TLL2: variants seen among roughly 807,000 people sequenced by gnomAD.
The protein encoded by TLL2 is tolloid like 2.
Under a neutral mutation model 123.0 loss-of-function variants are expected in TLL2, and 106 were observed. The observed-to-expected ratio is 0.86, with a 90% CI of 0.74 to 1.01. The LOEUF is 1.01. Among genes scored for constraint, TLL2 ranks in the 50% least tolerant of loss-of-function variants. The pLI, the probability that TLL2 is intolerant of heterozygous loss-of-function variation, is 0.00. For missense variants in TLL2, 1,332 were observed against 1,336.7 expected, an observed-to-expected ratio of 1.00 and a Z score of 0.06; for synonymous variants, 494 against 516.8, an observed-to-expected ratio of 0.96 and a Z score of 0.60.
chr10:96,458,339 C>A (rs1311753763), intron 2 of TLL2, among the ~76,000 whole-genome samples: 1 of 152,066 alleles, frequency 6.6e-6, no homozygotes, highest in Non-Finnish European at 1.5e-5. Flanking sequence ...ATAATCCCAG[C>A]ACTTTGGGAA....
At chr10:96,388,824 C>A (rs1564896475) in intron 13 of TLL2, among the ~76,000 whole-genome samples, 1 of 152,174 alleles carries the variant, frequency 6.6e-6, no homozygotes, top group East Asian at 1.9e-4. Flanking sequence ...TTGTAAATAT[C>A]CCATCATTTC....
intron 7 of TLL2, among the ~76,000 whole-genome samples, chr10:96,417,507 G>C (rs1279338963): frequency 6.6e-6 from 1 of 152,222 alleles, no homozygotes; most frequent in Non-Finnish European, 1.5e-5. Flanking sequence ...CCCAGTAAGA[G>C]GTGGAGTCTA....
chr10:96,489,674 T>G (rs2134108630), intron 1 of TLL2, among the ~76,000 whole-genome samples: 1 of 152,344 alleles, frequency 6.6e-6, no homozygotes, highest in South Asian at 2.1e-4. Context: ...TTTAATTAAT[T>G]TAAGTTTAAA....
At chr10:96,451,822 G>A (rs1033096677) in intron 2 of TLL2, among the ~76,000 whole-genome samples, 4 of 152,060 alleles carry the variant, frequency 2.6e-5, no homozygotes, top group Non-Finnish European at 4.4e-5. Flanking sequence ...TCTCCATATC[G>A]GTCTGATATC....
At chr10:96,447,156 A>G (rs1256637193) in intron 2 of TLL2, among the ~76,000 whole-genome samples, 1 of 151,946 alleles carries the variant, frequency 6.6e-6, no homozygotes, top group Admixed American at 6.6e-5. Context: ...GATCCTCCGC[A>G]GGGGAAGGAT....
intron 1 of TLL2, among the ~76,000 whole-genome samples, chr10:96,503,120 A>G (rs1198054220): frequency 6.6e-6 from 1 of 152,138 alleles, no homozygotes; most frequent in Non-Finnish European, 1.5e-5. Context: ...TCCCTGCTTC[A>G]TGGGTGAGAG....
intron 13 of TLL2, among the ~76,000 whole-genome samples, chr10:96,389,407 A>G (rs1846264277): frequency 6.6e-6 from 1 of 152,168 alleles, no homozygotes; most frequent in South Asian, 2.1e-4. Flanking sequence ...TGAAAAGATA[A>G]GGTTCCCTGG....
chr10:96,487,527 C>T (rs767276649), intron 1 of TLL2, among the ~76,000 whole-genome samples: 8 of 152,192 alleles, frequency 5.3e-5, no homozygotes, highest in South Asian at 2.1e-4. Flanking sequence ...AGGCAGCACA[C>T]GCCAGGCATT....
intron 2 of TLL2, among the ~76,000 whole-genome samples, chr10:96,470,816 G>C (rs974382045): frequency 2.0e-5 from 3 of 152,170 alleles, no homozygotes; most frequent in Non-Finnish European, 4.4e-5. Context: ...TAGAACTGTT[G>C]TGTGAAGATT....
chr10:96,368,879 C>T (rs1846052590), intron 20 of TLL2, among the ~76,000 whole-genome samples: 1 of 152,172 alleles, frequency 6.6e-6, no homozygotes, highest in South Asian at 2.1e-4. Context: ...GCTCAGTTAA[C>T]CCCTCCAAGG....
At position 96,368,079 on chromosome 10, in the gene TLL2, A is replaced by C; in HGVS notation, c.*9T>G. 3 of 1,611,596 alleles carry C rather than the reference A, an allele frequency of 1.9e-6. No homozygotes were observed. The highest frequency in any genetic ancestry group is 1.1e-5 in the South Asian group (1 of 90,612). ...AATTCTCAGTTTCTGTCTTTCAAGA[A>C]CATCAGCACTATTTCTTCATGTGCA... On this transcript the variant is annotated 3_prime_UTR_variant, in exon 21 of 21. Transcript: ENST00000357947.
intron 8 of TLL2, 187 bp from the exon 9 acceptor site, chr10:96,410,661 CA>C: frequency 1.5e-6 from 1 of 672,376 alleles, no homozygotes; most frequent in Non-Finnish European, 2.7e-6. Context: ...ACCTAGGAGT[CA>C]AAAAGGAACG....
chr10:96,394,592 C>T (rs1846319768), intron 13 of TLL2, among the ~76,000 whole-genome samples: 1 of 152,188 alleles, frequency 6.6e-6, no homozygotes, highest in Non-Finnish European at 1.5e-5. Flanking sequence ...TGGGGGTAAG[C>T]ATGTAGTCTA....
Position 96,373,736 on chromosome 10 carries a change from T to A in TLL2, c.2522A>T (p.Asp841Val). 6.2e-7 allele frequency: 1 copy of A among 1,614,262 alleles called. No individual in the cohort carries two copies. ...YDHLEMYDGP[D>V]SLAPILGRFC... is the part of the protein sequence containing the mutation. ...ACGGCCCAGAATGGGGGCCAGGCTGTCCGGCCCGTCATACATTTCCAGGTG... is the reference window on the plus strand; with the variant it reads ...ACGGCCCAGAATGGGGGCCAGGCTGACCGGCCCGTCATACATTTCCAGGTG... Residue 841 changes from aspartate to valine, a missense_variant, in exon 19 of 21, where the codon GAC (aspartate) becomes GTC (valine). By Grantham distance (152) the Asp-to-Val change is radical (BLOSUM62 -3). Coordinates refer to ENST00000357947, the MANE Select transcript of TLL2 (RefSeq NM_012465.4).
At chr10:96,376,614 G>C (rs964864297) in intron 18 of TLL2, 78 bp downstream of exon 18, 8 of 1,499,898 alleles carry the variant, frequency 5.3e-6, no homozygotes, top group Non-Finnish European at 7.3e-6. Flanking sequence ...GAGCTGGGAA[G>C]TGGCAGAGCA....
Position 96,404,127 on chromosome 10 carries a change from G to A in TLL2, c.1267+1105C>T, listed in dbSNP as rs1422394508. 4.6e-5 allele frequency among the ~76,000 whole-genome samples: 7 copies of A among 152,146 alleles called. No homozygotes were observed. In the East Asian group the frequency reaches 5.8e-4, roughly 13 times the overall value. ...AACTCAGAGACCGGTGCCGATGCAG[G>A]TCCTTGGTGTGCTGAGTGCCGGTCC... On this transcript the variant is annotated intron_variant, in intron 10 of 20. Transcript: ENST00000357947.
chr10:96,405,184 G>C, intron 10 of TLL2, 48 bp downstream of exon 10: 1 of 1,556,230 alleles, frequency 6.4e-7, no homozygotes, highest in Non-Finnish European at 8.9e-7. Context: ...CAGCATCCCG[G>C]GGAACATCCC....
intron 20 of TLL2, among the ~76,000 whole-genome samples, chr10:96,368,945 G>C (rs984585760): frequency 6.6e-6 from 1 of 152,230 alleles, no homozygotes; most frequent in Non-Finnish European, 1.5e-5. Context: ...CAGTGCATTG[G>C]TTAAGTGCCA....
chr10:96,374,223 T>C, intron 18 of TLL2: 1 of 209,850 alleles, frequency 4.8e-6, no homozygotes, highest in South Asian at 9.2e-5. Flanking sequence ...GTGCCCACTC[T>C]GTCGGCAGCT....
Sources: allele counts gnomAD v4.1 joint callset (sites outside exome capture counted in the v4.1 genomes callset), GRCh38; gene constraint gnomAD v4.1.1; transcripts MANE v1.5; gene names NCBI Gene and HGNC (gene_info 2026-07-23, HGNC 2026-07-21).